The following NUP210L variants were observed in gnomAD, a reference collection of about 807,000 sequenced individuals.
NUP210L encodes nucleoporin 210 like.
A neutral mutation model predicts 208.5 loss-of-function variants in NUP210L; 74 were observed. That is an observed-to-expected ratio of 0.35 (90% CI 0.29 to 0.43). The LOEUF (loss-of-function observed/expected upper bound fraction) is 0.43. NUP210L is among the 20% of genes least tolerant of loss of function. The pLI is 1.00. For missense variants in NUP210L, 1,843 were observed against 2,289.4 expected, an observed-to-expected ratio of 0.81 and a Z score of 3.98; for synonymous variants, 780 against 816.9, an observed-to-expected ratio of 0.95 and a Z score of 0.77.
intron 25 of NUP210L, among the ~76,000 whole-genome samples, chr1:154,047,258 TTGTC>T (rs542750665): frequency 5.3e-4 from 80 of 151,848 alleles, no homozygotes; most frequent in African/African-American, 1.8e-3. Context: ...TATAATTGGA[TTGTC>T]TGTAACACAG....
intron 10 of NUP210L, among the ~76,000 whole-genome samples, chr1:154,120,553 C>T (rs1657564989): frequency 6.6e-6 from 1 of 150,716 alleles, no homozygotes; most frequent in African/African-American, 2.4e-5. Context: ...GTGCAGCACA[C>T]CAACATGGCA....
At chr1:154,088,943 A>G (rs987190934) in intron 16 of NUP210L, among the ~76,000 whole-genome samples, 1 of 152,156 alleles carries the variant, frequency 6.6e-6, no homozygotes, top group East Asian at 1.9e-4. Context: ...GTTTATCACT[A>G]TTCTTCATGA....
chr1:154,085,604 G>C (rs1433458867), intron 16 of NUP210L, among the ~76,000 whole-genome samples: 1 of 152,068 alleles, frequency 6.6e-6, no homozygotes, highest in Admixed American at 6.6e-5. Flanking sequence ...CAAAATCTCT[G>C]CTGGCTTTGA....
At chr1:154,118,598 A>T in intron 11 of NUP210L, 73 bp downstream of exon 11, 1 of 1,087,992 alleles carries the variant, frequency 9.2e-7, no homozygotes, top group Non-Finnish European at 1.2e-6. Flanking sequence ...ATGTAACATT[A>T]ATCAAATTTC....
intron 10 of NUP210L, among the ~76,000 whole-genome samples, chr1:154,125,341 A>G (rs899350044): frequency 8.6e-5 from 13 of 151,602 alleles, no homozygotes; most frequent in Admixed American, 2.0e-4. Context: ...CCCCAGCTAC[A>G]CAGGAGGCTG....
At chr1:154,151,303 G>A (rs143395410) in intron 2 of NUP210L, among the ~76,000 whole-genome samples, 2,469 of 125,470 alleles carry the variant, frequency 0.02, 44 homozygotes, top group Non-Finnish European at 0.026. Context: ...TTAGACACTC[G>A]TTTTTTATCT....
At chr1:154,135,753 A>T in intron 7 of NUP210L, 61 bp downstream of exon 7, 1 of 1,422,694 alleles carries the variant, frequency 7.0e-7, no homozygotes, top group South Asian at 1.2e-5. Context: ...TTTACCAAAG[A>T]ACATGTCTAG....
At chr1:154,139,514 G>T (rs1307668148) in intron 5 of NUP210L, among the ~76,000 whole-genome samples, 1 of 151,874 alleles carries the variant, frequency 6.6e-6, no homozygotes, top group African/African-American at 2.4e-5. Flanking sequence ...ATTTTCCATA[G>T]GCAAGACTAT....
intron 1 of NUP210L, among the ~76,000 whole-genome samples, chr1:154,154,366 C>T (rs773619118): frequency 2.6e-5 from 4 of 152,142 alleles, no homozygotes; most frequent in African/African-American, 4.8e-5. Flanking sequence ...GTTTTAAGTC[C>T]TTCTCACATT....
At chr1:154,134,162 AATAAT>A (rs1658398235) in intron 7 of NUP210L, among the ~76,000 whole-genome samples, 1 of 142,228 alleles carries the variant, frequency 7.0e-6, no homozygotes, top group Non-Finnish European at 1.5e-5. Context: ...AAAAAAAAAT[AATAAT>A]AATAATAATA....
chr1:154,033,182 T>C (rs1436052862), intron 27 of NUP210L, among the ~76,000 whole-genome samples: 1 of 152,168 alleles, frequency 6.6e-6, no homozygotes, highest in East Asian at 1.9e-4. Flanking sequence ...AAGTATTTTC[T>C]CCCATTCTGT....
intron 16 of NUP210L, among the ~76,000 whole-genome samples, chr1:154,082,227 T>C (rs890178014): frequency 9.8e-5 from 15 of 152,308 alleles, no homozygotes; most frequent in African/African-American, 3.6e-4. Flanking sequence ...GGGTAGCCTG[T>C]GAGTCCCCCC....
chr1:153,998,943 T>C (rs1335400830), intron 37 of NUP210L, among the ~76,000 whole-genome samples: 1 of 152,036 alleles, frequency 6.6e-6, no homozygotes. Context: ...CTTGAACTCC[T>C]GAGCTCAAGT....
At chr1:153,992,799 T>C in exon 40 of NUP210L, 1 of 1,387,522 alleles carries the variant, frequency 7.2e-7, no homozygotes, top group Non-Finnish European at 1.0e-6. Flanking sequence ...AAATCTTCAT[T>C]CCCCTGCAGT....
In NUP210L at chr1:154,035,053, G is replaced by C. The variant is rs1456356791; in HGVS notation, c.3697-4999C>G. 5.9e-5 allele frequency among the ~76,000 whole-genome samples: 9 copies of C among 151,908 alleles called. No individual in the cohort carries two copies. In the East Asian group the frequency reaches 1.8e-3, roughly 30 times the overall value. ...GACGGGGTTTCACCATGTTGGTCAG[G>C]CTGGTCTCAAACTCCTGACCTTGTG... On this transcript the variant is annotated intron_variant, in intron 27 of 39. Coordinates refer to ENST00000368559, the Ensembl canonical transcript of NUP210L.
At chr1:154,075,574 C>CAAAAACA (rs1654992473) in intron 16 of NUP210L, among the ~76,000 whole-genome samples, 1 of 151,504 alleles carries the variant, frequency 6.6e-6, no homozygotes, top group Non-Finnish European at 1.5e-5. Context: ...ATGTTCTCAG[C>CAAAAACA]AAAAACAAAA....
Position 154,120,085 on chromosome 1 carries a change from T to G in NUP210L, c.1327-1277A>C, listed in dbSNP as rs550697304. Among the ~76,000 whole-genome samples, 4 of 152,324 alleles carry G rather than the reference T, an allele frequency of 2.6e-5. No individual in the cohort carries two copies. In the South Asian group the frequency reaches 8.3e-4, roughly 32 times the overall value. On this transcript the variant is annotated intron_variant, in intron 10 of 39. Transcript: ENST00000368559. ...TTCCTGACTTTTTAATGATTGCCATTCTAACTGGTGTGAGATGATATCTCA... is the reference window on the plus strand; with the variant it reads ...TTCCTGACTTTTTAATGATTGCCATGCTAACTGGTGTGAGATGATATCTCA...
chr1:154,154,301 C>A (rs144328359), intron 1 of NUP210L, among the ~76,000 whole-genome samples: 2 of 152,292 alleles, frequency 1.3e-5, no homozygotes, highest in African/African-American at 4.8e-5. Flanking sequence ...CTGCAAAAAG[C>A]GAATGAGTTA....
At chr1:154,098,738 C>T (rs1436874525) in intron 14 of NUP210L, among the ~76,000 whole-genome samples, 3 of 152,170 alleles carry the variant, frequency 2.0e-5, no homozygotes, top group Non-Finnish European at 2.9e-5. Context: ...ATCACAAGTT[C>T]CCACTCTGGT....
Sources: allele counts gnomAD v4.1 joint callset (sites outside exome capture counted in the v4.1 genomes callset), GRCh38; gene constraint gnomAD v4.1.1; transcripts MANE v1.5; gene names NCBI Gene and HGNC (gene_info 2026-07-23, HGNC 2026-07-21).